The following MTMR8 variants were observed in gnomAD, a reference collection of about 807,000 sequenced individuals.
MTMR8 encodes phosphatidylinositol-3,5-bisphosphate 3-phosphatase MTMR8.
MTMR8 carries 65 observed loss-of-function variants against 39.3 expected under a neutral mutation model. The observed-to-expected ratio is 1.65, with a 90% CI of 1.35 to 2.03. MTMR8 has a LOEUF of 2.03. Ranked by LOEUF, MTMR8 falls within the 30% of genes most tolerant of loss-of-function variation. The pLI is 0.00. For synonymous variants in MTMR8, 245 were observed against 185.2 expected, an observed-to-expected ratio of 1.32 and a Z score of -2.62; for missense variants, 777 against 538.9, an observed-to-expected ratio of 1.44 and a Z score of -4.37.
At chrX:64,342,514 C>A (rs1408938379) in intron 8 of MTMR8, among the ~76,000 whole-genome samples, 5 of 112,195 alleles carry the variant, frequency 4.5e-5, no homozygotes. Flanking sequence ...CCCTCTTATC[C>A]ATCCTCACTC....
At chrX:64,272,842 AAAC>A (rs1931791083) in intron 12 of MTMR8, among the ~76,000 whole-genome samples, 1 of 112,304 alleles carries the variant, frequency 8.9e-6, no homozygotes, top group Non-Finnish European at 1.9e-5. Context: ...CAGCAAAAAA[AAAC>A]TTTCAGGACA....
At chrX:64,371,572 T>C (rs1036525372) in intron 1 of MTMR8, among the ~76,000 whole-genome samples, 1 of 111,294 alleles carries the variant, frequency 9.0e-6, no homozygotes, top group African/African-American at 3.3e-5. Flanking sequence ...AATGTATCTT[T>C]ATACATAGCT....
intron 12 of MTMR8, among the ~76,000 whole-genome samples, chrX:64,271,733 C>T (rs1931766987): frequency 8.9e-6 from 1 of 112,113 alleles, no homozygotes; most frequent in South Asian, 3.7e-4. Flanking sequence ...TTCTGTCTCA[C>T]CTGTTTCAAA....
At chrX:64,392,597 T>C (rs1924717626) in intron 1 of MTMR8, among the ~76,000 whole-genome samples, 1 of 111,344 alleles carries the variant, frequency 9.0e-6, no homozygotes, top group African/African-American at 3.3e-5. Context: ...TTTGTTTGTT[T>C]GTTTTTTGTT....
chrX:64,296,695 G>A (rs1356599918), intron 12 of MTMR8, among the ~76,000 whole-genome samples: 4 of 106,958 alleles, frequency 3.7e-5, no homozygotes, highest in Non-Finnish European at 7.7e-5. Flanking sequence ...TCGTCATCTA[G>A]CATTAGGTAT....
At chrX:64,365,279 G>A (rs1923915775) in intron 1 of MTMR8, among the ~76,000 whole-genome samples, 1 of 110,076 alleles carries the variant, frequency 9.1e-6, no homozygotes, top group South Asian at 4.0e-4. Flanking sequence ...GATACTCCTC[G>A]AGAAGAACAC....
chrX:64,374,608 A>T (rs1364360048), intron 1 of MTMR8, among the ~76,000 whole-genome samples: 2 of 111,987 alleles, frequency 1.8e-5, no homozygotes, highest in Non-Finnish European at 3.8e-5. Context: ...GAATAAAAGT[A>T]GTTAAAGAGA....
At chrX:64,289,661 AT>A (rs1921332153) in intron 12 of MTMR8, among the ~76,000 whole-genome samples, 4 of 103,000 alleles carry the variant, frequency 3.9e-5, no homozygotes, top group Middle Eastern at 4.8e-3. Flanking sequence ...AAAAAAAAAA[AT>A]TAAGTTGGGA....
At chrX:64,339,551 G>T (rs1277270446) in intron 8 of MTMR8, among the ~76,000 whole-genome samples, 1 of 111,430 alleles carries the variant, frequency 9.0e-6, no homozygotes, top group Non-Finnish European at 1.9e-5. Flanking sequence ...TTCAGAAGGC[G>T]CCAACCAAGA....
intron 1 of MTMR8, among the ~76,000 whole-genome samples, chrX:64,366,896 A>C (rs1035418211): frequency 1.8e-5 from 2 of 111,934 alleles, no homozygotes; most frequent in Non-Finnish European, 3.8e-5. Context: ...AATCAAATAG[A>C]TGCAATAAAA....
At chrX:64,305,712 G>T in intron 12 of MTMR8, 1 of 513,729 alleles carries the variant, frequency 1.9e-6, no homozygotes, top group Admixed American at 2.4e-5. Flanking sequence ...GGCCCAGTCT[G>T]TATCTACTAA....
chrX:64,328,864 C>T lies in MTMR8; in HGVS notation c.1389G>A (p.Leu463=), dbSNP rs1922870638. ...TCCTGAAGTCTGGTTTCCTCTGAAC[C>T]AAGAAAGGCCACACAGAATGTGTTT... ...YEKTHSVWPF[L]VQRKPDFRNP... is the part of the protein sequence containing the mutation. Residue 463 remains leucine (L), a synonymous_variant, in exon 12 of 14, where the codon TTG becomes TTA. Transcript: ENST00000374852. 1.7e-6 allele frequency: 2 copies of T among 1,197,764 alleles called. No individual in the cohort carries two copies. The highest frequency in any genetic ancestry group is 6.0e-5 in the East Asian group (2 of 33,496).
intron 1 of MTMR8, among the ~76,000 whole-genome samples, chrX:64,376,885 T>C (rs976203555): frequency 8.9e-6 from 1 of 112,072 alleles, no homozygotes; most frequent in African/African-American, 3.2e-5. Context: ...CAAGGTTTTG[T>C]GGTCTGGGCC....
At chrX:64,391,737 C>A (rs780453413) in intron 1 of MTMR8, among the ~76,000 whole-genome samples, 2 of 111,900 alleles carry the variant, frequency 1.8e-5, no homozygotes, top group Non-Finnish European at 3.8e-5. Context: ...TTATAACAAC[C>A]CTGTGAGATA....
chrX:64,356,444 G>A, intron 2 of MTMR8, 106 bp from the exon 3 acceptor site: 1 of 708,708 alleles, frequency 1.4e-6, no homozygotes. Context: ...CAGATCTGTA[G>A]GCTACATCTA....
intron 1 of MTMR8, among the ~76,000 whole-genome samples, chrX:64,365,625 A>G (rs1014126700): frequency 3.6e-5 from 4 of 111,944 alleles, no homozygotes; most frequent in Non-Finnish European, 5.6e-5. Context: ...AAACATGGAA[A>G]GGAACAACCA....
chrX:64,296,827 G>A (rs1488030496), intron 12 of MTMR8, among the ~76,000 whole-genome samples: 2 of 99,330 alleles, frequency 2.0e-5, no homozygotes, highest in African/African-American at 3.7e-5. Context: ...GAGAATATGC[G>A]GTGTTTGGTT....
rs1179881761 is a variant in MTMR8 at position 64,300,937 on chromosome X, G to A, written c.1481+27835C>T. 2.3e-4 allele frequency among the ~76,000 whole-genome samples: 25 copies of A among 109,708 alleles called. No homozygotes were observed. The East Asian group carries it at 4.0e-3, about 18-fold the overall frequency. The stretch of plus-strand genomic sequence containing the variant: ...TCTTGTGGCTTGTAGGGTTTCTGCC[G>A]AGAGATCCGCTGTTAGTCTGATGGG... On this transcript the variant is annotated intron_variant, in intron 12 of 13. Coordinates refer to ENST00000374852, the MANE Select transcript of MTMR8 (RefSeq NM_017677.4).
At chrX:64,368,368 G>C (rs922152380) in intron 1 of MTMR8, among the ~76,000 whole-genome samples, 1 of 111,614 alleles carries the variant, frequency 9.0e-6, no homozygotes, top group Non-Finnish European at 1.9e-5. Context: ...ATACTTCAAG[G>C]CTATAGTAAC....
Sources: allele counts gnomAD v4.1 joint callset (sites outside exome capture counted in the v4.1 genomes callset), GRCh38; gene constraint gnomAD v4.1.1; transcripts MANE v1.5; gene names NCBI Gene and HGNC (gene_info 2026-07-23, HGNC 2026-07-21).